Variants in STON1 observed in about 807,000 individuals in gnomAD.
STON1 encodes the protein stonin 1.
In STON1, 79 loss-of-function variants were observed where a neutral mutation model predicts 60.9. The ratio of observed to expected loss-of-function variants is 1.30; its 90% confidence interval spans 1.08 to 1.56. The LOEUF (loss-of-function observed/expected upper bound fraction) is 1.56, where lower values mean the gene tolerates loss of function less well. STON1 is among the 40% of genes most tolerant of loss of function. STON1 has a pLI of 0.00. For synonymous variants in STON1, 363 were observed against 306.9 expected (o/e 1.18, Z -1.91); for missense variants, 1,166 against 858.9 (o/e 1.36, Z -4.47).
At position 48,581,205 on chromosome 2, in the gene STON1, G is replaced by C. The variant is rs1192904732; in HGVS notation, c.572G>C (p.Gly191Ala). ...TCAAGTCCATTTTGGAAAGATGAAG[G>C]CAGTGATTCCCATTTCACCCTTGAC... The part of the protein sequence containing the change: ...AFSSPFWKDE[G>A]SDSHFTLDPP... The change falls in exon 2 of 4, where the codon GGC becomes GCC. Residue 191 changes from glycine to alanine, a missense_variant. Physicochemically the swap from Gly to Ala is moderately conservative, Grantham distance 60 (BLOSUM62 0). Coordinates refer to ENST00000404752, the MANE Select transcript of STON1 (RefSeq NM_006873.4). 6.6e-7 allele frequency: 1 copy of C among 1,525,246 alleles called. No individual in the cohort carries two copies. The highest frequency in any genetic ancestry group is 8.7e-7 in the Non-Finnish European group (1 of 1,143,074). The allele number at this position is 1,525,246 out of a possible 1,614,324, so 94.5% of individuals were successfully genotyped here. A position where few individuals can be genotyped will look rare whatever the true frequency, so the allele number is the denominator to read the frequency against.
chr2:48,549,350 A>T (rs1417233290), intron 1 of STON1, among the ~76,000 whole-genome samples: 1 of 152,168 alleles, frequency 6.6e-6, no homozygotes, highest in African/African-American at 2.4e-5. Flanking sequence ...AAGGTCAAGG[A>T]TGGAGTCCAG....
chr2:48,564,489 C>A (rs1558604920), intron 1 of STON1, among the ~76,000 whole-genome samples: 21 of 24,996 alleles, frequency 8.4e-4, no homozygotes, highest in African/African-American at 3.7e-3. Flanking sequence ...CTTTCTTCTT[C>A]TTCTTCTTCT....
chr2:48,574,846 G>C (rs994469292), intron 1 of STON1, among the ~76,000 whole-genome samples: 2 of 152,206 alleles, frequency 1.3e-5, no homozygotes, highest in Non-Finnish European at 2.9e-5. Context: ...ATGTATTTCA[G>C]TTTTATTCAA....
At chr2:48,558,256 A>C (rs1018396375) in intron 1 of STON1, among the ~76,000 whole-genome samples, 1 of 152,228 alleles carries the variant, frequency 6.6e-6, no homozygotes, top group Non-Finnish European at 1.5e-5. Flanking sequence ...ATCTTTCTCT[A>C]TTTTGAGTAT....
In STON1 at chr2:48,580,881, C is replaced by T. The variant is rs1558631985; in HGVS notation, c.248C>T (p.Thr83Ile). The T allele has an allele frequency of 1.3e-6, 2 of 1,587,286 alleles. No individual in the cohort carries two copies. The highest frequency in any genetic ancestry group is 1.7e-6 in the Non-Finnish European group (2 of 1,169,082). The change falls in exon 2 of 4, where the codon ACA (threonine) becomes ATA (isoleucine). Residue 83 changes from threonine to isoleucine, a missense_variant. Coordinates refer to ENST00000404752, the MANE Select transcript of STON1 (RefSeq NM_006873.4). ...PGPPSNSPLS[T>I]PTKDFPGFPG... is the part of the protein sequence containing the mutation. The stretch of plus-strand genomic sequence containing the variant: ...CCTCCAAGTAACTCTCCTCTTTCTA[C>T]ACCTACCAAAGACTTCCCAGGTTTT...
rs924796721 is a variant in STON1 at position 48,580,911 on chromosome 2, G to C, written c.278G>C (p.Gly93Ala). 2 of 1,597,132 alleles carry C rather than the reference G, an allele frequency of 1.3e-6. No homozygotes were observed. Among genetic ancestry groups the C allele is most frequent in the South Asian group, 2.3e-5 (2 of 87,350 alleles). The change falls in exon 2 of 4, where the codon GGC becomes GCC. Residue 93 changes from glycine (G) to alanine (A), a missense_variant. Physicochemically the swap from Gly to Ala is moderately conservative, Grantham distance 60 (BLOSUM62 0). Coordinates refer to ENST00000404752, the MANE Select transcript of STON1 (RefSeq NM_006873.4). ...TPTKDFPGFP[G>A]IPKAGTHVLY... ...ACCAAAGACTTCCCAGGTTTTCCTG[G>C]CATCCCCAAAGCAGGGACTCATGTG...
chr2:48,546,953 C>G (rs1023639964), intron 1 of STON1, among the ~76,000 whole-genome samples: 1 of 152,194 alleles, frequency 6.6e-6, no homozygotes, highest in Non-Finnish European at 1.5e-5. Context: ...TACTTCAAAT[C>G]TTACTGAGAA....
intron 1 of STON1, among the ~76,000 whole-genome samples, chr2:48,543,506 C>G (rs1188775555): frequency 7.0e-6 from 1 of 143,704 alleles, no homozygotes; most frequent in Non-Finnish European, 1.5e-5. Flanking sequence ...GATAAAAACT[C>G]TTTATTTCAT....
intron 1 of STON1, 64 bp downstream of exon 1, chr2:48,530,280 C>T (rs1427622299): frequency 6.0e-6 from 2 of 334,444 alleles, no homozygotes; most frequent in East Asian, 2.1e-4. Context: ...CAGGGTGGGG[C>T]CTCCCGCCGT....
At chr2:48,566,661 G>C (rs989384538) in intron 1 of STON1, among the ~76,000 whole-genome samples, 1 of 152,210 alleles carries the variant, frequency 6.6e-6, no homozygotes, top group African/African-American at 2.4e-5. Context: ...GGAAGGAGGG[G>C]TTGGTCCATG....
intron 1 of STON1, among the ~76,000 whole-genome samples, chr2:48,559,003 G>T (rs1157310407): frequency 6.6e-6 from 1 of 151,888 alleles, no homozygotes; most frequent in Admixed American, 6.6e-5. Flanking sequence ...ACTCATTGGA[G>T]CATTTCAGAT....
intron 1 of STON1, among the ~76,000 whole-genome samples, chr2:48,533,457 G>A (rs904829306): frequency 1.3e-5 from 2 of 151,628 alleles, no homozygotes; most frequent in African/African-American, 4.8e-5. Context: ...GGGAGGCCAC[G>A]GCAGGTGGAT....
intron 3 of STON1, among the ~76,000 whole-genome samples, chr2:48,594,115 C>T (rs1423345696): frequency 6.6e-6 from 1 of 152,156 alleles, no homozygotes; most frequent in Non-Finnish European, 1.5e-5. Context: ...GCCCATTTAG[C>T]TTCATTTCCT....
At position 48,581,775 on chromosome 2, in the gene STON1, C is replaced by T; in HGVS notation, c.1142C>T (p.Thr381Ile). 6.2e-7 allele frequency: 1 copy of T among 1,614,074 alleles called. No individual in the cohort carries two copies. The highest frequency in any genetic ancestry group is 8.5e-7 in the Non-Finnish European group (1 of 1,180,014). The change falls in exon 2 of 4, where the codon ACA becomes ATA. Residue 381 changes from threonine (T) to isoleucine (I), a missense_variant. Physicochemically the swap from Thr to Ile is moderately conservative, Grantham distance 89. Transcript: ENST00000404752. ...DIEQMLKLGS[T>I]SYHDFLDFLT... ...GAGCAGATGCTGAAGTTGGGGTCCA[C>T]ATCGTACCATGACTTCCTTGACTTT...
In STON1 at chr2:48,595,643, G is replaced by A; in HGVS notation, c.*341G>A. On this transcript the variant is annotated 3_prime_UTR_variant, in exon 4 of 4. Transcript: ENST00000404752. ...TGACTGTTTTGCTCTCTGGATTACT[G>A]AGGTGCCGTCTTCATTTCTTCCCAT... 3.6e-6 allele frequency: 1 copy of A among 280,976 alleles called. No homozygotes were observed. Among genetic ancestry groups the A allele is most frequent in the South Asian group, 4.2e-5 (1 of 23,854 alleles). 17.4% of individuals were successfully genotyped at this position (280,976 alleles called of 1,614,324 possible).
At position 48,591,859 on chromosome 2, in the gene STON1, C is replaced by T. The variant is rs777838590; in HGVS notation, c.2133+4C>T. 12 of 1,613,290 alleles carry T rather than the reference C, an allele frequency of 7.4e-6. No homozygotes were observed. The highest frequency in any genetic ancestry group is 1.0e-5 in the Non-Finnish European group (12 of 1,179,710). On this transcript the variant is annotated splice_donor_region_variant and intron_variant, in intron 3 of 3. Transcript: ENST00000404752. ...GCGAGCTTGCTACAACATCCAGGTACATCCCAAAACTTCTAGAACTGTGAC... is the reference window on the plus strand; with the variant it reads ...GCGAGCTTGCTACAACATCCAGGTATATCCCAAAACTTCTAGAACTGTGAC...
rs117721340 is a variant in STON1 at position 48,576,107 on chromosome 2, C to T, written c.-47-4480C>T. Among the ~76,000 whole-genome samples the T allele has an allele frequency of 1.5e-3, 223 of 151,496 alleles. 5 individuals carry two copies. In the East Asian group the frequency reaches 0.037, roughly 25 times the overall value. ...TCCATATTGTTCCCCATAATGGCTG[C>T]ACCACTTTACATTGCCAGCAACAAT... On this transcript the variant is annotated intron_variant, in intron 1 of 3. Transcript: ENST00000404752.
At chr2:48,532,526 T>G (rs987153970) in intron 1 of STON1, among the ~76,000 whole-genome samples, 1 of 152,098 alleles carries the variant, frequency 6.6e-6, no homozygotes, top group Non-Finnish European at 1.5e-5. Flanking sequence ...TGTGCTCAGA[T>G]AAAAATCTTC....
chr2:48,546,018 T>C (rs1424095140), intron 1 of STON1, among the ~76,000 whole-genome samples: 1 of 152,212 alleles, frequency 6.6e-6, no homozygotes. Flanking sequence ...TCCTCTTATA[T>C]TTCATACTTA....
Sources: gnomAD v4.1 joint callset for allele counts (sites outside exome capture counted in the v4.1 genomes callset) on GRCh38, gnomAD v4.1.1 for gene constraint, MANE v1.5 for transcripts, NCBI Gene and HGNC (gene_info 2026-07-23, HGNC 2026-07-21) for gene names.